The following CRMP1 variants were observed in gnomAD, a reference collection of about 807,000 sequenced individuals.
CRMP1 encodes collapsin response mediator protein 1.
A neutral mutation model predicts 68.3 loss-of-function variants in CRMP1; 19 were observed. The observed-to-expected ratio is 0.28, with a 90% CI of 0.19 to 0.41. The LOEUF (loss-of-function observed/expected upper bound fraction) is 0.41, where lower values mean the gene tolerates loss of function less well. CRMP1 is among the 10% of genes least tolerant of loss of function. CRMP1 has a pLI of 1.00. For synonymous variants in CRMP1, 439 were observed against 399.6 expected, an observed-to-expected ratio of 1.10 and a Z score of -1.18; for missense variants, 791 against 967.4, an observed-to-expected ratio of 0.82 and a Z score of 2.42.
In CRMP1 at chr4:5,841,395, T is replaced by G; in HGVS notation, c.1066A>C (p.Ile356Leu). Residue 356 changes from isoleucine to leucine, a missense_variant, in exon 8 of 14, where the codon ATT becomes CTT. Ile to Leu is a conservative substitution (Grantham distance 5). Transcript: ENST00000324989. This position sits in a 1 kb window ranked among gnomAD's most constrained non-coding sequence, Gnocchi z 6.9. The stretch of plus-strand genomic sequence containing the variant: ...ACAGGGCAGTTGATCCGGCCCGCAA[T>G]GGTGATGGCCCGGAACACCGCCTCG... ...EAEAVFRAIT[I>L]AGRINCPVYI... is the part of the protein sequence containing the mutation. 1 of 1,614,124 alleles carries G rather than the reference T, an allele frequency of 6.2e-7. No homozygotes were observed. The highest frequency in any genetic ancestry group is 8.5e-7 in the Non-Finnish European group (1 of 1,180,024).
intron 1 of CRMP1, among the ~76,000 whole-genome samples, chr4:5,869,860 G>A (rs569050713): frequency 6.6e-6 from 1 of 152,142 alleles, no homozygotes; most frequent in East Asian, 1.9e-4. Flanking sequence ...CCAATAAAGA[G>A]GGCATATTGA....
intron 1 of CRMP1, among the ~76,000 whole-genome samples, chr4:5,871,766 T>C (rs1248179186): frequency 1.3e-5 from 2 of 152,226 alleles, no homozygotes; most frequent in Non-Finnish European, 2.9e-5. Flanking sequence ...TGATATTTGA[T>C]ACGAATACTC....
intron 2 of CRMP1, among the ~76,000 whole-genome samples, chr4:5,862,644 G>C (rs1416807572): frequency 6.6e-6 from 1 of 152,220 alleles, no homozygotes; most frequent in Non-Finnish European, 1.5e-5. Flanking sequence ...GCAAAGGCCT[G>C]GGCACGGTCC....
intron 1 of CRMP1, among the ~76,000 whole-genome samples, chr4:5,868,650 G>A (rs928087655): frequency 6.6e-6 from 1 of 151,948 alleles, no homozygotes; most frequent in Admixed American, 6.6e-5. Flanking sequence ...TCCATCTTAG[G>A]GATACATAAT....
At chr4:5,873,107 T>G (rs1385495280) in intron 1 of CRMP1, among the ~76,000 whole-genome samples, 2 of 152,216 alleles carry the variant, frequency 1.3e-5, no homozygotes, top group Non-Finnish European at 2.9e-5. Context: ...TGTAAGCAGC[T>G]TAAATGCAGC....
chr4:5,826,149 A>C (rs1407814340), intron 12 of CRMP1: 1 of 157,286 alleles, frequency 6.4e-6, no homozygotes, highest in Non-Finnish European at 1.4e-5. Context: ...CATACACACA[A>C]AGCTTCATGC....
In CRMP1 at chr4:5,838,972, C is replaced by T. The variant is rs1038607391; in HGVS notation, c.1310+550G>A. ...TGTGGCCCTGCTATTGCTAAGTGCT[C>T]TTCCCTCCTGGTGGCTAACAGAAGG... On this transcript the variant is annotated intron_variant, in intron 9 of 13. Coordinates refer to ENST00000324989, the MANE Select transcript of CRMP1 (RefSeq NM_001014809.3). The surrounding 1 kb of genome is among the most constrained non-coding windows in gnomAD (Gnocchi z 4.9). Among the ~76,000 whole-genome samples, 3 of 152,210 alleles carry T rather than the reference C, an allele frequency of 2.0e-5. No individual in the cohort carries two copies. Among genetic ancestry groups the T allele is most frequent in the African/African-American group, 7.2e-5 (3 of 41,464 alleles).
At position 5,860,463 on chromosome 4, in the gene CRMP1, C is replaced by T. The variant is rs562829432; in HGVS notation, c.655+563G>A. 7.9e-5 allele frequency among the ~76,000 whole-genome samples: 12 copies of T among 152,238 alleles called. No homozygotes were observed. The highest frequency in any genetic ancestry group is 4.2e-4 in the South Asian group (2 of 4,816). On this transcript the variant is annotated intron_variant, in intron 3 of 13. Transcript: ENST00000324989. The surrounding 1 kb of genome is among the most constrained non-coding windows in gnomAD (Gnocchi z 4.2). ...TAAGATTTGGGGGCTGTTTGTTACG[C>T]GGTGTTATCACAGTATTACTGCAGC... is the stretch of plus-strand genomic sequence containing the variant.
intron 1 of CRMP1, among the ~76,000 whole-genome samples, chr4:5,878,718 T>A (rs892810231): frequency 6.6e-6 from 1 of 152,204 alleles, no homozygotes; most frequent in African/African-American, 2.4e-5. Context: ...TTCACCTCTC[T>A]GTGCTTCTGT....
rs1354564247 is a variant in CRMP1 at position 5,865,644 on chromosome 4, C to T, written c.470+1024G>A. ...CAAAAAAAAAAAAAAAAAAGAAGGC[C>T]GCCGCCTACAGACCCCTGCCTGGCG... On this transcript the variant is annotated intron_variant, in intron 2 of 13. Coordinates refer to ENST00000324989, the MANE Select transcript of CRMP1 (RefSeq NM_001014809.3). This position sits in a 1 kb window ranked among gnomAD's most constrained non-coding sequence, Gnocchi z 4.1. Among the ~76,000 whole-genome samples, 2 of 151,400 alleles carry T rather than the reference C, an allele frequency of 1.3e-5. No individual in the cohort carries two copies. Among genetic ancestry groups the T allele is most frequent in the East Asian group, 1.9e-4 (1 of 5,156 alleles).
chr4:5,839,555 G>A lies in CRMP1; in HGVS notation c.1277C>T (p.Thr426Ile), dbSNP rs775667649. ...VTSPPLSPDP[T>I]TPDYLTSLLA... is the part of the protein sequence containing the mutation. ...TAGGGAGGTCAAGTAGTCGGGCGTG[G>A]TAGGGTCCGGGCTCAGGGGAGGGGA... The change falls in exon 9 of 14, where the codon ACC (threonine) becomes ATC (isoleucine). Residue 426 changes from threonine (T) to isoleucine (I), a missense_variant. Thr to Ile is a moderately conservative substitution (Grantham distance 89, BLOSUM62 -1). Coordinates refer to ENST00000324989, the MANE Select transcript of CRMP1 (RefSeq NM_001014809.3). 6 of 1,611,746 alleles carry A rather than the reference G, an allele frequency of 3.7e-6. No homozygotes were observed. Among genetic ancestry groups the A allele is most frequent in the Non-Finnish European group, 4.2e-6 (5 of 1,179,050 alleles).
At chr4:5,868,915 CTT>C (rs1268232391) in intron 1 of CRMP1, among the ~76,000 whole-genome samples, 2 of 152,128 alleles carry the variant, frequency 1.3e-5, no homozygotes, top group South Asian at 2.1e-4. Flanking sequence ...ACTAAGCACT[CTT>C]GTTTATTATT....
In CRMP1 at chr4:5,821,832, G is replaced by A. The variant is rs777646783; in HGVS notation, c.1989C>T (p.Asn663=). 1.2e-6 allele frequency: 2 copies of A among 1,608,836 alleles called. No individual in the cohort carries two copies. Among genetic ancestry groups the A allele is most frequent in the African/African-American group, 1.3e-5 (1 of 75,030 alleles). The change falls in exon 14 of 14, where the codon AAC becomes AAT. Residue 663 remains asparagine (N), a synonymous_variant. Coordinates refer to ENST00000324989, the MANE Select transcript of CRMP1 (RefSeq NM_001014809.3). The surrounding 1 kb of genome is among the most constrained non-coding windows in gnomAD (Gnocchi z 4.4). Reference sequence around the variant, plus strand: ...TGCGGTGGCCGGTGCGCCTGGGATTGTTGTCATCTATCTGGGCACCTGAAA... The same window carrying A: ...TGCGGTGGCCGGTGCGCCTGGGATTATTGTCATCTATCTGGGCACCTGAAA... The part of the protein sequence containing the change: ...FSLSGAQIDD[N]NPRRTGHRIV...
At position 5,859,548 on chromosome 4, in the gene CRMP1, A is replaced by G. The variant is rs1713383137; in HGVS notation, c.655+1478T>C. On this transcript the variant is annotated intron_variant, in intron 3 of 13. Transcript: ENST00000324989. The surrounding 1 kb of genome is among the most constrained non-coding windows in gnomAD (Gnocchi z 5.2). Reference sequence around the variant, plus strand: ...CAAACCACCCTAGGCACTTCCCACCATAAGGCCCACATTATAGATGAGGAA... The same window carrying G: ...CAAACCACCCTAGGCACTTCCCACCGTAAGGCCCACATTATAGATGAGGAA... 1.3e-5 allele frequency among the ~76,000 whole-genome samples: 2 copies of G among 152,194 alleles called. No individual in the cohort carries two copies. Among genetic ancestry groups the G allele is most frequent in the Admixed American group, 1.3e-4 (2 of 15,276 alleles).
rs1720880267 is a variant in CRMP1, at chr4:5,838,573, C to G, written c.1310+949G>C. 6.6e-6 allele frequency among the ~76,000 whole-genome samples: 1 copy of G among 152,160 alleles called. No homozygotes were observed. Among genetic ancestry groups the G allele is most frequent in the Non-Finnish European group, 1.5e-5 (1 of 68,028 alleles). Reference sequence around the variant, plus strand: ...ACTCTAGGGCCTCTGGTCCGTGTTCCTGACATTTTCTTAGATGGGCAAGAC... The same window carrying G: ...ACTCTAGGGCCTCTGGTCCGTGTTCGTGACATTTTCTTAGATGGGCAAGAC... On this transcript the variant is annotated intron_variant, in intron 9 of 13. Coordinates refer to ENST00000324989, the MANE Select transcript of CRMP1 (RefSeq NM_001014809.3). The surrounding 1 kb of genome is among the most constrained non-coding windows in gnomAD (Gnocchi z 4.9).
chr4:5,828,776 T>C, intron 11 of CRMP1, 108 bp from the exon 12 acceptor site: 1 of 1,315,250 alleles, frequency 7.6e-7, no homozygotes, highest in Non-Finnish European at 1.0e-6. Flanking sequence ...TTCCAATGTT[T>C]TTTTTTCTCT....
In CRMP1 at chr4:5,876,198, G is replaced by A. The variant is rs9790824; in HGVS notation, c.382-9442C>T. Among the ~76,000 whole-genome samples the A allele has an allele frequency of 1.4e-4, 21 of 151,926 alleles. No individual in the cohort carries two copies. The East Asian group carries it at 4.1e-3, about 29-fold the overall frequency. Reference sequence around the variant, plus strand: ...TTTCAAAACTTCTTCTTTTGGCCTTGCAGAGTCAAAATAATCATGACTTAT... The same window carrying A: ...TTTCAAAACTTCTTCTTTTGGCCTTACAGAGTCAAAATAATCATGACTTAT... On this transcript the variant is annotated intron_variant, in intron 1 of 13. Transcript: ENST00000324989.
At chr4:5,823,646 C>A (rs1577717452) in intron 13 of CRMP1, among the ~76,000 whole-genome samples, 1 of 152,166 alleles carries the variant, frequency 6.6e-6, no homozygotes, top group Non-Finnish European at 1.5e-5. Context: ...TTAAAGAGCA[C>A]CTCTGCCTTC....
At chr4:5,824,371 G>A (rs2152434712) in intron 13 of CRMP1, 1 of 985,398 alleles carries the variant, frequency 1.0e-6, no homozygotes. Context: ...TGGAGAGTGA[G>A]ATGAATGGGG....
Sources: allele counts gnomAD v4.1 joint callset (sites outside exome capture counted in the v4.1 genomes callset), GRCh38; gene constraint gnomAD v4.1.1; non-coding constraint Gnocchi (gnomAD v3.1); transcripts MANE v1.5; gene names NCBI Gene and HGNC (gene_info 2026-07-23, HGNC 2026-07-21).